IL22RA2: variants seen among roughly 807,000 people sequenced by gnomAD.
IL22RA2 encodes the protein interleukin 22 receptor subunit alpha 2.
IL22RA2 carries 39 observed loss-of-function variants against 30.7 expected under a neutral mutation model. The ratio of observed to expected loss-of-function variants is 1.27; its 90% confidence interval spans 0.98 to 1.66. IL22RA2 has a LOEUF of 1.66. Among genes scored for constraint, IL22RA2 ranks in the 40% most tolerant of loss-of-function variants. The probability of loss-of-function intolerance (pLI) is 0.00; values close to 1 mark genes in which losing one functional copy is unlikely to be tolerated. For synonymous variants in IL22RA2, 103 were observed against 105.0 expected (o/e 0.98, Z 0.11); for missense variants, 315 against 312.7 (o/e 1.01, Z -0.05).
In IL22RA2 at chr6:137,147,811, A is replaced by G. The variant is rs755334428; in HGVS notation, c.553T>C (p.Tyr185His). The G allele has an allele frequency of 6.2e-7, 1 of 1,613,448 alleles. No individual in the cohort carries two copies. Among genetic ancestry groups the G allele is most frequent in the East Asian group, 2.2e-5 (1 of 44,854 alleles). ...ACATTTTTTTCCTTTTGGTATCTAT[A>G]TGGTAAATTTGGAGCATGGAGAATT... ...LVILHAPNLP[Y>H]RYQKEKNVSI... Residue 185 changes from tyrosine to histidine, a missense_variant, in exon 6 of 7, where the codon TAT becomes CAT. By Grantham distance (83) the Tyr-to-His change is moderately conservative. Coordinates refer to ENST00000296980, the MANE Select transcript of IL22RA2 (RefSeq NM_052962.3).
intron 6 of IL22RA2, among the ~76,000 whole-genome samples, chr6:137,147,048 C>G (rs1021041116): frequency 1.3e-5 from 2 of 150,630 alleles, no homozygotes; most frequent in Non-Finnish European, 3.0e-5. Flanking sequence ...GATTCAAAAG[C>G]TATTTTAAAA....
chr6:137,157,147 CT>C (rs1161233297), intron 3 of IL22RA2, among the ~76,000 whole-genome samples: 1 of 152,136 alleles, frequency 6.6e-6, no homozygotes, highest in Non-Finnish European at 1.5e-5. Context: ...TGGGAGTCCT[CT>C]TTAGGAAAAG....
chr6:137,168,509 C>A (rs566975281), intron 1 of IL22RA2, among the ~76,000 whole-genome samples: 1 of 152,320 alleles, frequency 6.6e-6, no homozygotes, highest in African/African-American at 2.4e-5. Context: ...TTTGGACCAT[C>A]TGTAAAAATC....
chr6:137,147,108 G>A (rs1293489341), intron 6 of IL22RA2, among the ~76,000 whole-genome samples: 1 of 150,828 alleles, frequency 6.6e-6, no homozygotes, highest in Non-Finnish European at 1.5e-5. Flanking sequence ...CCAGCACTTT[G>A]GGAGGCCAAG....
At chr6:137,166,975 C>T (rs772785507) in intron 1 of IL22RA2, among the ~76,000 whole-genome samples, 6 of 152,320 alleles carry the variant, frequency 3.9e-5, no homozygotes, top group African/African-American at 7.2e-5. Context: ...TGCCTCGAAC[C>T]GGAGGCTACC....
chr6:137,159,324 A>G (rs1013080901), intron 2 of IL22RA2, among the ~76,000 whole-genome samples: 8 of 150,404 alleles, frequency 5.3e-5, no homozygotes, highest in African/African-American at 1.7e-4. Context: ...GTCAAGAAGC[A>G]TATCTTTTTT....
In IL22RA2 at chr6:137,145,043, A is replaced by G. The variant is rs1778147194; in HGVS notation, c.*581T>C. ...AAACCTGTTCTTATTTACATAAAGT[A>G]GACTTTAAAACAAAATTTTGATTCA... On this transcript the variant is annotated 3_prime_UTR_variant, in exon 7 of 7. Transcript: ENST00000296980. The G allele has an allele frequency of 6.6e-6, 1 of 151,668 alleles. No homozygotes were observed. The highest frequency in any genetic ancestry group is 6.6e-5 in the Admixed American group (1 of 15,240). 9.4% of individuals were successfully genotyped at this position (151,668 alleles called of 1,614,324 possible). A position where few individuals can be genotyped will look rare whatever the true frequency, so the allele number is the denominator to read the frequency against.
chr6:137,154,618 CAA>C lies in IL22RA2; in HGVS notation c.472+321_472+322del, dbSNP rs1491156624. 6.2e-5 allele frequency among the ~76,000 whole-genome samples: 9 copies of C among 144,956 alleles called. No homozygotes were observed. The South Asian group carries it at 1.5e-3, about 24-fold the overall frequency. On this transcript the variant is annotated intron_variant, in intron 5 of 6. Transcript: ENST00000296980. ...TGACAAAGCGAGACCCTGTCACACACAAACACACACACACACACACACACACA... is the reference window on the plus strand; with the variant it reads ...TGACAAAGCGAGACCCTGTCACACACACACACACACACACACACACACACA...
chr6:137,148,837 T>C (rs1778232136), intron 5 of IL22RA2, among the ~76,000 whole-genome samples: 1 of 152,220 alleles, frequency 6.6e-6, no homozygotes, highest in Admixed American at 6.5e-5. Context: ...GGCATTGTCC[T>C]ATCAGTGAGT....
chr6:137,161,804 C>A lies in IL22RA2; in HGVS notation c.-55G>T. On this transcript the variant is annotated 5_prime_UTR_variant, in exon 2 of 7. Coordinates refer to ENST00000296980, the MANE Select transcript of IL22RA2 (RefSeq NM_052962.3). ...GTGTTCCTTTTAACCAGCTCAGGAC[C>A]AAAGAGGAAACTGTAAAATCCACAA... 1 of 1,425,150 alleles carries A rather than the reference C, an allele frequency of 7.0e-7. No individual in the cohort carries two copies. The highest frequency in any genetic ancestry group is 1.2e-5 in the South Asian group (1 of 84,472). 88.3% of individuals were successfully genotyped at this position (1,425,150 alleles called of 1,614,324 possible). A position where few individuals can be genotyped will look rare whatever the true frequency, so the allele number is the denominator to read the frequency against.
At chr6:137,148,606 G>GC (rs1051104182) in intron 5 of IL22RA2, among the ~76,000 whole-genome samples, 6 of 152,056 alleles carry the variant, frequency 3.9e-5, no homozygotes, top group African/African-American at 1.4e-4. Flanking sequence ...CTTTGTTTTG[G>GC]CCCCCAAGGA....
chr6:137,162,766 A>T (rs1293098378), intron 1 of IL22RA2, among the ~76,000 whole-genome samples: 1 of 152,212 alleles, frequency 6.6e-6, no homozygotes, highest in Non-Finnish European at 1.5e-5. Flanking sequence ...AAAGGCTGAC[A>T]TATCCAGTTT....
chr6:137,154,065 C>T (rs938930017), intron 5 of IL22RA2, among the ~76,000 whole-genome samples: 3 of 151,614 alleles, frequency 2.0e-5, no homozygotes, highest in African/African-American at 7.3e-5. Flanking sequence ...CTATTTTATC[C>T]AATGTCTGTT....
At position 137,150,457 on chromosome 6, in the gene IL22RA2, TTTTTC is replaced by T. The variant is rs1236077001; in HGVS notation, c.473-2571_473-2567del. On this transcript the variant is annotated intron_variant, in intron 5 of 6. Transcript: ENST00000296980. ...TTTTTAAAGGACCTGGTCTAAAGCTTTTTTCTTTTCTTTTCTTTTCTGATTTTTTT... is the reference window on the plus strand; with the variant it reads ...TTTTTAAAGGACCTGGTCTAAAGCTTTTTTCTTTTCTTTTCTGATTTTTTT... Among the ~76,000 whole-genome samples the T allele has an allele frequency of 3.3e-5, 5 of 151,588 alleles. 1 individual carries two copies. The highest frequency in any genetic ancestry group is 2.1e-4 in the South Asian group (1 of 4,814).
chr6:137,156,546 G>A (rs775314735), intron 4 of IL22RA2, among the ~76,000 whole-genome samples: 1 of 152,070 alleles, frequency 6.6e-6, no homozygotes, highest in East Asian at 1.9e-4. Flanking sequence ...TATTCTAAAC[G>A]CAAGGGATAT....
At position 137,144,722 on chromosome 6, in the gene IL22RA2, C is replaced by T. The variant is rs1233684241; in HGVS notation, c.*902G>A. On this transcript the variant is annotated 3_prime_UTR_variant, in exon 7 of 7. Coordinates refer to ENST00000296980, the MANE Select transcript of IL22RA2 (RefSeq NM_052962.3). ...CAGCAGTTCCCAATAAACCATCATTCATGGGATCCTCCTATATAGAGATGA... is the reference window on the plus strand; with the variant it reads ...CAGCAGTTCCCAATAAACCATCATTTATGGGATCCTCCTATATAGAGATGA... 6.6e-6 allele frequency: 1 copy of T among 152,202 alleles called. No individual in the cohort carries two copies. Among genetic ancestry groups the T allele is most frequent in the African/African-American group, 2.4e-5 (1 of 41,446 alleles). The allele number at this position is 152,202 out of a possible 1,614,324, so 9.4% of individuals were successfully genotyped here.
In IL22RA2 at chr6:137,144,784, G is replaced by A. The variant is rs1778139748; in HGVS notation, c.*840C>T. 6.6e-6 allele frequency: 1 copy of A among 152,156 alleles called. No homozygotes were observed. The highest frequency in any genetic ancestry group is 1.5e-5 in the Non-Finnish European group (1 of 68,032). The allele number at this position is 152,156 out of a possible 1,614,324, so 9.4% of individuals were successfully genotyped here. On this transcript the variant is annotated 3_prime_UTR_variant, in exon 7 of 7. Coordinates refer to ENST00000296980, the MANE Select transcript of IL22RA2 (RefSeq NM_052962.3). ...CAAGCAAGACACTCTTGGCCAGAAG[G>A]ATTGAGTAATGAGGTTTCCTTTCTT...
chr6:137,150,503 TTTA>T (rs1211786175), intron 5 of IL22RA2, among the ~76,000 whole-genome samples: 126 of 149,336 alleles, frequency 8.4e-4, no homozygotes, highest in African/African-American at 3.0e-3. Context: ...TTTTTTTTTT[TTTA>T]GGGAGAAAGG....
chr6:137,147,351 C>A (rs1349763305), intron 6 of IL22RA2, among the ~76,000 whole-genome samples: 2 of 150,148 alleles, frequency 1.3e-5, no homozygotes, highest in South Asian at 2.1e-4. Context: ...CAGAGTGACA[C>A]CTGGTCTAAA....
Sources: allele counts gnomAD v4.1 joint callset (sites outside exome capture counted in the v4.1 genomes callset), GRCh38; gene constraint gnomAD v4.1.1; transcripts MANE v1.5; gene names NCBI Gene and HGNC (gene_info 2026-07-23, HGNC 2026-07-21).